The following ITPR2 variants were observed in gnomAD, a reference collection of about 807,000 sequenced individuals.
The protein encoded by ITPR2 is inositol 1,4,5-trisphosphate-gated calcium channel ITPR2.
In ITPR2, 207 loss-of-function variants were observed where a neutral mutation model predicts 317.1. The ratio of observed to expected loss-of-function variants is 0.65; its 90% CI spans 0.58 to 0.73. ITPR2 has a LOEUF of 0.73. Among genes scored for constraint, ITPR2 ranks in the 30% least tolerant of loss-of-function variants. The pLI, the probability that ITPR2 is intolerant of heterozygous loss-of-function variation, is 0.00. For missense variants in ITPR2, 2,613 were observed against 3,284.0 expected, an observed-to-expected ratio of 0.80 and a Z score of 4.99; for synonymous variants, 1,156 against 1,149.1, an observed-to-expected ratio of 1.01 and a Z score of -0.12.
intron 37 of ITPR2, among the ~76,000 whole-genome samples, chr12:26,543,582 T>C (rs938458216): frequency 2.6e-5 from 4 of 152,180 alleles, no homozygotes; most frequent in African/African-American, 9.7e-5. Flanking sequence ...AAGACCAGCC[T>C]GACCAAGATG....
intron 55 of ITPR2, among the ~76,000 whole-genome samples, chr12:26,356,811 T>C (rs1938655651): frequency 2.0e-5 from 3 of 152,218 alleles, no homozygotes; most frequent in Admixed American, 2.0e-4. Context: ...CTTCCCAAAG[T>C]TCTAGGATTA....
intron 21 of ITPR2, among the ~76,000 whole-genome samples, chr12:26,641,117 G>C (rs1471234477): frequency 6.6e-6 from 1 of 152,026 alleles, no homozygotes; most frequent in Non-Finnish European, 1.5e-5. Context: ...ATTTATTTCA[G>C]GAAAGGAAGA....
chr12:26,717,478 A>AC (rs1948761928), intron 5 of ITPR2, among the ~76,000 whole-genome samples: 1 of 152,212 alleles, frequency 6.6e-6, no homozygotes, highest in South Asian at 2.1e-4. Context: ...TTGTGGAAAC[A>AC]ACTCCTGCTG....
At chr12:26,486,429 A>C in intron 40 of ITPR2, 69 bp from the exon 41 acceptor site, 3 of 1,178,334 alleles carry the variant, frequency 2.5e-6, no homozygotes, top group African/African-American at 1.5e-5. Context: ...AAAAAAAACA[A>C]ACCAGGTACC....
intron 2 of ITPR2, chr12:26,726,078 G>T: frequency 5.0e-6 from 1 of 201,034 alleles, no homozygotes. Flanking sequence ...GGGGCACCTG[G>T]TCTTAGAAAG....
At chr12:26,784,348 T>C (rs75725182) in intron 2 of ITPR2, among the ~76,000 whole-genome samples, 31 of 30,654 alleles carry the variant, frequency 1.0e-3, no homozygotes, top group Non-Finnish European at 2.7e-3. Context: ...CCTCTCCCTC[T>C]CCCTCTCCCT....
chr12:26,546,710 C>T (rs948106950), intron 37 of ITPR2, among the ~76,000 whole-genome samples: 1 of 152,088 alleles, frequency 6.6e-6, no homozygotes, highest in Non-Finnish European at 1.5e-5. Context: ...AATAGACACA[C>T]AGACCAATGG....
chr12:26,501,889 A>G (rs1389078668), intron 37 of ITPR2, among the ~76,000 whole-genome samples: 2 of 152,242 alleles, frequency 1.3e-5, no homozygotes, highest in Non-Finnish European at 2.9e-5. Context: ...TTCCAATATA[A>G]ATAATCCTCA....
intron 2 of ITPR2, among the ~76,000 whole-genome samples, chr12:26,782,504 GCTTTATACGA>G (rs1950115792): frequency 6.6e-6 from 1 of 152,126 alleles, no homozygotes; most frequent in South Asian, 2.1e-4. Context: ...AATCAATGTG[GCTTTATACGA>G]CTAACAGGTA....
chr12:26,716,063 T>A, intron 6 of ITPR2, 81 bp downstream of exon 6: 1 of 920,868 alleles, frequency 1.1e-6, no homozygotes, highest in Non-Finnish European at 1.7e-6. Flanking sequence ...ATGAAAACAA[T>A]GAAAGAAACT....
chr12:26,746,822 ATGTGTG>A (rs34449902), intron 2 of ITPR2, among the ~76,000 whole-genome samples: 1 of 147,658 alleles, frequency 6.8e-6, no homozygotes, highest in Non-Finnish European at 1.5e-5. Flanking sequence ...GGGTGCATGC[ATGTGTG>A]TGTGTGTGTG....
intron 45 of ITPR2, among the ~76,000 whole-genome samples, chr12:26,463,694 CAAACA>C (rs1942098082): frequency 1.1e-5 from 1 of 90,600 alleles, no homozygotes; most frequent in African/African-American, 3.0e-5. Context: ...AACAAACAAA[CAAACA>C]AAAAAAAAAC....
chr12:26,596,109 T>A (rs1018206283), intron 31 of ITPR2, among the ~76,000 whole-genome samples: 2 of 152,248 alleles, frequency 1.3e-5, no homozygotes, highest in African/African-American at 2.4e-5. Context: ...TGTGTGTGCA[T>A]ATTTTCAAGA....
At chr12:26,711,901 C>T (rs893541591) in intron 8 of ITPR2, among the ~76,000 whole-genome samples, 1 of 152,204 alleles carries the variant, frequency 6.6e-6, no homozygotes, top group Admixed American at 6.5e-5. Context: ...AAGGTCTAAA[C>T]TACTTAATTC....
intron 2 of ITPR2, among the ~76,000 whole-genome samples, chr12:26,761,319 A>G (rs1215812491): frequency 6.6e-6 from 1 of 152,282 alleles, no homozygotes. Context: ...AAGTTAGTTA[A>G]GACTAGACTA....
At chr12:26,794,377 G>GA (rs1322782525) in intron 1 of ITPR2, among the ~76,000 whole-genome samples, 1 of 152,156 alleles carries the variant, frequency 6.6e-6, no homozygotes, top group African/African-American at 2.4e-5. Flanking sequence ...ACAGTCAAGA[G>GA]AAAATGCATC....
intron 34 of ITPR2, among the ~76,000 whole-genome samples, chr12:26,567,677 A>T (rs1289138490): frequency 6.6e-6 from 1 of 151,968 alleles, no homozygotes; most frequent in Non-Finnish European, 1.5e-5. Context: ...ATTTCTAAAG[A>T]TATGGTCGGA....
intron 39 of ITPR2, among the ~76,000 whole-genome samples, chr12:26,492,386 C>G (rs754969953): frequency 2.0e-5 from 3 of 151,690 alleles, no homozygotes; most frequent in Non-Finnish European, 4.4e-5. Flanking sequence ...CATCTGGTGA[C>G]CCTTAGTGGC....
chr12:26,542,873 T>G (rs1944297489), intron 37 of ITPR2, among the ~76,000 whole-genome samples: 1 of 152,214 alleles, frequency 6.6e-6, no homozygotes, highest in African/African-American at 2.4e-5. Context: ...TTGACTAGAA[T>G]GTAAAGAGAA....
Sources: gnomAD v4.1 joint callset for allele counts (sites outside exome capture counted in the v4.1 genomes callset) on GRCh38, gnomAD v4.1.1 for gene constraint, MANE v1.5 for transcripts, NCBI Gene and HGNC (gene_info 2026-07-23, HGNC 2026-07-21) for gene names.